TTC7B: variants seen among roughly 807,000 people sequenced by gnomAD.
The protein encoded by TTC7B is tetratricopeptide repeat domain 7B.
Under a neutral mutation model 106.8 loss-of-function variants are expected in TTC7B, and 28 were observed. That is an observed-to-expected ratio of 0.26 (90% confidence interval 0.19 to 0.36). TTC7B has a LOEUF of 0.36. TTC7B is among the 10% of genes least tolerant of loss of function. The pLI is 1.00. For missense variants in TTC7B, 862 were observed against 1,076.4 expected, an observed-to-expected ratio of 0.80 and a Z score of 2.79; for synonymous variants, 405 against 430.6, an observed-to-expected ratio of 0.94 and a Z score of 0.74.
At chr14:90,664,929 G>A (rs1338433198) in intron 9 of TTC7B, among the ~76,000 whole-genome samples, 2 of 152,166 alleles carry the variant, frequency 1.3e-5, no homozygotes, top group Non-Finnish European at 1.5e-5. Context: ...AAGGGCAGAT[G>A]AAGGGGAGAA....
intron 3 of TTC7B, among the ~76,000 whole-genome samples, chr14:90,770,831 G>C (rs1011908090): frequency 3.9e-5 from 6 of 152,150 alleles, no homozygotes; most frequent in Admixed American, 1.3e-4. Flanking sequence ...TCAAAACGTG[G>C]TACATGCACA....
At chr14:90,645,724 G>A (rs1885416641) in intron 14 of TTC7B, among the ~76,000 whole-genome samples, 1 of 152,188 alleles carries the variant, frequency 6.6e-6, no homozygotes, top group African/African-American at 2.4e-5. Flanking sequence ...AACTGATACA[G>A]GGATCAAAAC....
chr14:90,693,890 C>A (rs756988893), intron 6 of TTC7B, among the ~76,000 whole-genome samples: 39 of 152,182 alleles, frequency 2.6e-4, no homozygotes, highest in Non-Finnish European at 4.9e-4. Context: ...TAAGTCCACA[C>A]AAAAACTTGT....
chr14:90,659,260 G>C (rs1301911807), intron 9 of TTC7B, among the ~76,000 whole-genome samples: 1 of 151,340 alleles, frequency 6.6e-6, no homozygotes, highest in Non-Finnish European at 1.5e-5. Flanking sequence ...GAGTGTGTGT[G>C]TGTGTGTTTG....
chr14:90,806,541 G>C lies in TTC7B; in HGVS notation c.121+9634C>G, dbSNP rs557533522. ...CACACAAGACTCCTGACTCAGTCAG[G>C]CTGCTTTCAAATAATGCTGGTGCCG... On this transcript the variant is annotated intron_variant, in intron 1 of 19. Transcript: ENST00000328459. 2.0e-5 allele frequency among the ~76,000 whole-genome samples: 3 copies of C among 152,300 alleles called. No individual in the cohort carries two copies. In the East Asian group the frequency reaches 5.8e-4, roughly 29 times the overall value.
In TTC7B at chr14:90,808,060, C is replaced by G. The variant is rs944994948; in HGVS notation, c.121+8115G>C. ...GGCTCTAGCCTCAGTCTACTCAAGC[C>G]CTGAATGAGAATTACCCCTGACATC... On this transcript the variant is annotated intron_variant, in intron 1 of 19. Coordinates refer to ENST00000328459, the MANE Select transcript of TTC7B (RefSeq NM_001010854.2). The surrounding 1 kb of genome is among the most constrained non-coding windows in gnomAD (Gnocchi z 4.2). Among the ~76,000 whole-genome samples, 2 of 152,182 alleles carry G rather than the reference C, an allele frequency of 1.3e-5. No homozygotes were observed. Among genetic ancestry groups the G allele is most frequent in the African/African-American group, 4.8e-5 (2 of 41,450 alleles).
chr14:90,729,638 A>C (rs966492526), intron 5 of TTC7B, among the ~76,000 whole-genome samples: 1 of 152,242 alleles, frequency 6.6e-6, no homozygotes, highest in East Asian at 1.9e-4. Context: ...ACTTTCATAA[A>C]AACTGGCTGA....
chr14:90,728,685 C>A (rs1889208175), intron 5 of TTC7B, among the ~76,000 whole-genome samples: 1 of 152,172 alleles, frequency 6.6e-6, no homozygotes, highest in African/African-American at 2.4e-5. Context: ...AATTACCCAA[C>A]CCACTCTTAT....
rs12436988 is a variant in TTC7B, at chr14:90,608,348, C to T, written c.1966+2394G>A. On this transcript the variant is annotated intron_variant, in intron 17 of 19. Transcript: ENST00000328459. The surrounding 1 kb of genome is among the most constrained non-coding windows in gnomAD (Gnocchi z 5.1). ...TTCCCTGGTCTCTTGGTTAAATTGT[C>T]GGCGTGCAAATCAGTATTTTGCAGC... Among the ~76,000 whole-genome samples the T allele has an allele frequency of 0.073, 11,083 of 152,128 alleles. 1,345 individuals carry two copies. The highest frequency in any genetic ancestry group is 0.25 in the African/African-American group (10,440 of 41,426).
intron 3 of TTC7B, chr14:90,766,739 T>G (rs1173763029): frequency 3.9e-6 from 6 of 1,555,646 alleles, no homozygotes; most frequent in Non-Finnish European, 5.3e-6. Flanking sequence ...GTGATCACCA[T>G]TATGCAGAAT....
chr14:90,695,678 G>A, intron 5 of TTC7B, 100 bp from the exon 6 acceptor site: 1 of 648,026 alleles, frequency 1.5e-6, no homozygotes, highest in Non-Finnish European at 2.4e-6. Flanking sequence ...AAAAGCTGTT[G>A]GCTAGATTTT....
intron 3 of TTC7B, among the ~76,000 whole-genome samples, chr14:90,751,170 T>A (rs576629632): frequency 6.6e-6 from 1 of 152,320 alleles, no homozygotes; most frequent in East Asian, 1.9e-4. Context: ...CTCAATAAGA[T>A]CTACATCTCC....
intron 4 of TTC7B, among the ~76,000 whole-genome samples, chr14:90,731,475 G>A (rs181316721): frequency 3.9e-4 from 59 of 152,314 alleles, no homozygotes; most frequent in African/African-American, 1.4e-3. Flanking sequence ...TAACCCACAA[G>A]CTTTGGGGAA....
chr14:90,669,262 A>AG (rs778736231), intron 9 of TTC7B, among the ~76,000 whole-genome samples: 1 of 152,248 alleles, frequency 6.6e-6, no homozygotes, highest in Non-Finnish European at 1.5e-5. Flanking sequence ...AAATCCTTAG[A>AG]GGAAAACAAA....
At chr14:90,801,590 T>A (rs1446823415) in intron 1 of TTC7B, among the ~76,000 whole-genome samples, 2 of 152,166 alleles carry the variant, frequency 1.3e-5, no homozygotes, top group African/African-American at 4.8e-5. Flanking sequence ...GAGCTCTGTT[T>A]GGGCCAAGTG....
Position 90,759,365 on chromosome 14 carries a change from A to G in TTC7B, c.446-14443T>C, listed in dbSNP as rs965704832. 7.9e-5 allele frequency among the ~76,000 whole-genome samples: 12 copies of G among 152,248 alleles called. No individual in the cohort carries two copies. Among genetic ancestry groups the G allele is most frequent in the Non-Finnish European group, 1.5e-4 (10 of 68,038 alleles). On this transcript the variant is annotated intron_variant, in intron 3 of 19. Transcript: ENST00000328459. This position sits in a 1 kb window ranked among gnomAD's most constrained non-coding sequence, Gnocchi z 4.1. ...AGGGATGGGTGGTGACGGAACAAGC[A>G]CCGTACTAGGAGTTTTAAAATATAA...
At chr14:90,653,759 C>T (rs1885831503) in intron 12 of TTC7B, among the ~76,000 whole-genome samples, 1 of 152,126 alleles carries the variant, frequency 6.6e-6, no homozygotes, top group South Asian at 2.1e-4. Flanking sequence ...TAACTTAGAA[C>T]AGCAGTGACA....
intron 15 of TTC7B, among the ~76,000 whole-genome samples, chr14:90,631,274 G>A (rs1884691730): frequency 6.6e-6 from 1 of 152,184 alleles, no homozygotes; most frequent in Non-Finnish European, 1.5e-5. Flanking sequence ...GAACACGGGT[G>A]TATAGATCTG....
At position 90,575,474 on chromosome 14, in the gene TTC7B, T is replaced by A. The variant is rs572755078; in HGVS notation, c.2310+2632A>T. ...AGGGCACAGAAACACAGCTTCCCTG[T>A]GTAGCTTGTAGGGAAGAGGACAGAG... On this transcript the variant is annotated intron_variant, in intron 19 of 19. Transcript: ENST00000328459. This position sits in a 1 kb window ranked among gnomAD's most constrained non-coding sequence, Gnocchi z 5.2. Among the ~76,000 whole-genome samples the A allele has an allele frequency of 2.2e-4, 34 of 152,258 alleles. No homozygotes were observed. The highest frequency in any genetic ancestry group is 7.7e-4 in the African/African-American group (32 of 41,554).
Sources: allele counts gnomAD v4.1 joint callset (sites outside exome capture counted in the v4.1 genomes callset), GRCh38; gene constraint gnomAD v4.1.1; non-coding constraint Gnocchi (gnomAD v3.1); transcripts MANE v1.5; gene names NCBI Gene and HGNC (gene_info 2026-07-23, HGNC 2026-07-21).